Variants in DPP10 observed in about 807,000 individuals in gnomAD.
DPP10 encodes the protein inactive dipeptidyl peptidase 10.
Under a neutral mutation model 120.9 loss-of-function variants are expected in DPP10, and 33 were observed. The ratio of observed to expected loss-of-function variants is 0.27; its 90% CI spans 0.21 to 0.37. The LOEUF is 0.37. Among genes scored for constraint, DPP10 ranks in the 10% least tolerant of loss-of-function variants. The probability of loss-of-function intolerance (pLI) is 1.00; values close to 1 mark genes in which losing one functional copy is unlikely to be tolerated. For synonymous variants in DPP10, 337 were observed against 326.1 expected, an observed-to-expected ratio of 1.03 and a Z score of -0.36; for missense variants, 816 against 942.8, an observed-to-expected ratio of 0.87 and a Z score of 1.76.
At chr2:114,677,503 T>C (rs532104863) in intron 1 of DPP10, among the ~76,000 whole-genome samples, 14 of 152,112 alleles carry the variant, frequency 9.2e-5, no homozygotes, top group Non-Finnish European at 1.8e-4. Context: ...TTTTCTATGC[T>C]GAGTGTTGTG....
intron 1 of DPP10, among the ~76,000 whole-genome samples, chr2:114,530,342 C>G (rs951948704): frequency 6.6e-6 from 1 of 152,112 alleles, no homozygotes; most frequent in Non-Finnish European, 1.5e-5. Flanking sequence ...AAAAGTATCT[C>G]TAGCTAAGGC....
At chr2:114,694,949 A>G (rs1234769560) in intron 1 of DPP10, among the ~76,000 whole-genome samples, 1 of 151,992 alleles carries the variant, frequency 6.6e-6, no homozygotes, top group Non-Finnish European at 1.5e-5. Flanking sequence ...TTTAATTTGG[A>G]TGAAATATTT....
intron 1 of DPP10, among the ~76,000 whole-genome samples, chr2:115,152,472 T>C (rs1046950235): frequency 6.6e-6 from 1 of 152,228 alleles, no homozygotes; most frequent in Admixed American, 6.5e-5. Context: ...TGTATAAATT[T>C]AGTTTTTTTG....
At chr2:115,259,788 A>G (rs902235083) in intron 1 of DPP10, among the ~76,000 whole-genome samples, 1 of 152,108 alleles carries the variant, frequency 6.6e-6, no homozygotes, top group African/African-American at 2.4e-5. Context: ...GATGATATTA[A>G]AAATACACAT....
chr2:115,289,342 G>A (rs2060544931), intron 1 of DPP10, among the ~76,000 whole-genome samples: 1 of 152,000 alleles, frequency 6.6e-6, no homozygotes, highest in Admixed American at 6.6e-5. Flanking sequence ...CCATGCTCAT[G>A]CATTGGAAGA....
At chr2:115,005,142 C>A (rs1431047000) in intron 1 of DPP10, among the ~76,000 whole-genome samples, 1 of 151,808 alleles carries the variant, frequency 6.6e-6, no homozygotes, top group Non-Finnish European at 1.5e-5. Flanking sequence ...CTCCAACAGA[C>A]CTGCATCTGA....
chr2:115,555,920 T>C (rs994194451), intron 5 of DPP10, among the ~76,000 whole-genome samples: 2 of 152,090 alleles, frequency 1.3e-5, no homozygotes, highest in African/African-American at 4.8e-5. Flanking sequence ...CTCTGTAACT[T>C]CTAGCTTCTT....
chr2:114,718,168 A>G (rs929805362), intron 1 of DPP10, among the ~76,000 whole-genome samples: 5 of 152,064 alleles, frequency 3.3e-5, no homozygotes, highest in Non-Finnish European at 7.4e-5. Flanking sequence ...TATAATAGCT[A>G]TCATTACCTT....
In DPP10 at chr2:114,961,472, C is replaced by T. The variant is rs954908162; in HGVS notation, c.61-347767C>T. ...GCGTGTGTGTGTGTGTGTGTGTGTG[C>T]GCGCGCACATTTCAGAGAAACCTGA... On this transcript the variant is annotated intron_variant, in intron 1 of 25. Transcript: ENST00000410059. 2.3e-3 allele frequency among the ~76,000 whole-genome samples: 321 copies of T among 142,028 alleles called. 4 individuals are homozygous for T. The highest frequency in any genetic ancestry group is 8.2e-3 in the African/African-American group (304 of 37,132). 93.2% of individuals were successfully genotyped at this position (142,028 alleles called of 152,430 possible). A position where few individuals can be genotyped will look rare whatever the true frequency, so the allele number is the denominator to read the frequency against.
intron 1 of DPP10, among the ~76,000 whole-genome samples, chr2:115,109,395 G>C (rs2049102804): frequency 1.3e-5 from 2 of 152,088 alleles, no homozygotes; most frequent in African/African-American, 4.8e-5. Context: ...AATTAGCTGG[G>C]CGTGGTGGCG....
At chr2:115,565,540 GATAAAAAAAA>G in intron 5 of DPP10, among the ~76,000 whole-genome samples, 1 of 151,380 alleles carries the variant, frequency 6.6e-6, no homozygotes, top group Non-Finnish European at 1.5e-5. Context: ...TGTCCTCAAG[GATAAAAAAAA>G]ATCCTGGTCC....
intron 2 of DPP10, among the ~76,000 whole-genome samples, chr2:115,310,863 C>A (rs985208516): frequency 6.6e-6 from 1 of 152,140 alleles, no homozygotes; most frequent in African/African-American, 2.4e-5. Flanking sequence ...GTCATAATCC[C>A]TGTGTATTTC....
chr2:115,661,587 T>G (rs1297012493), intron 5 of DPP10, among the ~76,000 whole-genome samples: 1 of 152,154 alleles, frequency 6.6e-6, no homozygotes, highest in Non-Finnish European at 1.5e-5. Context: ...CTCTATGGAG[T>G]AGAAGTTATT....
intron 1 of DPP10, among the ~76,000 whole-genome samples, chr2:114,626,509 A>G (rs1694524598): frequency 6.6e-6 from 1 of 152,080 alleles, no homozygotes; most frequent in African/African-American, 2.4e-5. Context: ...ATGTTGGTTG[A>G]GCTGCCACGT....
chr2:115,595,659 A>G (rs533350150), intron 5 of DPP10, among the ~76,000 whole-genome samples: 38 of 152,126 alleles, frequency 2.5e-4, no homozygotes, highest in South Asian at 8.3e-4. Flanking sequence ...TCTGCCATAA[A>G]CCTTCTATAA....
At chr2:115,281,399 C>T (rs866037307) in intron 1 of DPP10, among the ~76,000 whole-genome samples, 1 of 152,128 alleles carries the variant, frequency 6.6e-6, no homozygotes, top group Non-Finnish European at 1.5e-5. Flanking sequence ...TCAGACACCA[C>T]AGACATGAAA....
intron 1 of DPP10, among the ~76,000 whole-genome samples, chr2:114,845,740 T>C (rs1276655695): frequency 1.3e-5 from 2 of 152,156 alleles, no homozygotes; most frequent in African/African-American, 4.8e-5. Context: ...GTTAAAAATA[T>C]CGCAATCGGA....
chr2:114,684,404 G>T (rs1573961974), intron 1 of DPP10, among the ~76,000 whole-genome samples: 1 of 151,976 alleles, frequency 6.6e-6, no homozygotes, highest in African/African-American at 2.4e-5. Flanking sequence ...AGTACAGAGA[G>T]AAATTTTAAA....
intron 3 of DPP10, among the ~76,000 whole-genome samples, chr2:115,380,922 G>A (rs10048635): frequency 0.18 from 26,860 of 151,786 alleles, 2,487 homozygotes; most frequent in East Asian, 0.34. Flanking sequence ...CTAGAGATCC[G>A]CTGTTAGTCT....
Sources: gnomAD v4.1 joint callset for allele counts (sites outside exome capture counted in the v4.1 genomes callset) on GRCh38, gnomAD v4.1.1 for gene constraint, MANE v1.5 for transcripts, NCBI Gene and HGNC (gene_info 2026-07-23, HGNC 2026-07-21) for gene names.